TAFA4: variants seen among roughly 807,000 people sequenced by gnomAD.
TAFA4 encodes TAFA chemokine like family member 4.
Under a neutral mutation model 21.1 loss-of-function variants are expected in TAFA4, and 20 were observed. That is an observed-to-expected ratio of 0.95 (90% CI 0.67 to 1.38). TAFA4 has a LOEUF of 1.38. Ranked by LOEUF, TAFA4 falls within the 40% of genes most tolerant of loss-of-function variation. The pLI is 0.00. For synonymous variants in TAFA4, 71 were observed against 67.4 expected (o/e 1.05, Z -0.26); for missense variants, 211 against 180.9 (o/e 1.17, Z -0.95).
At position 68,736,633 on chromosome 3, in the gene TAFA4, C is replaced by G. The variant is rs115487007; in HGVS notation, c.411+2442G>C. Among the ~76,000 whole-genome samples the G allele has an allele frequency of 6.2e-3, 950 of 152,172 alleles. 9 individuals carry two copies. Among genetic ancestry groups the G allele is most frequent in the African/African-American group, 0.022 (919 of 41,528 alleles). On this transcript the variant is annotated intron_variant, in intron 5 of 5. Transcript: ENST00000295569. The stretch of plus-strand genomic sequence containing the variant: ...TTATACAGTTTAGTTAATACGTCCT[C>G]TAGGGAGACAATTGCTCTGCTTTTC...
At chr3:68,860,644 A>G (rs1196871753) in intron 3 of TAFA4, among the ~76,000 whole-genome samples, 1 of 152,142 alleles carries the variant, frequency 6.6e-6, no homozygotes, top group Non-Finnish European at 1.5e-5. Flanking sequence ...TCTTATATGT[A>G]TTGCTACTGG....
At chr3:68,892,621 C>G (rs985564367) in intron 1 of TAFA4, among the ~76,000 whole-genome samples, 4 of 152,184 alleles carry the variant, frequency 2.6e-5, no homozygotes, top group Admixed American at 6.5e-5. Context: ...AAAAAACGCT[C>G]TTCTAGTCAG....
intron 3 of TAFA4, among the ~76,000 whole-genome samples, chr3:68,793,899 T>A (rs1703410118): frequency 6.6e-6 from 1 of 152,162 alleles, no homozygotes. Context: ...AATGGTGTAA[T>A]CAAAAAATGT....
intron 1 of TAFA4, among the ~76,000 whole-genome samples, chr3:68,913,056 C>T (rs111273863): frequency 3.9e-4 from 59 of 152,252 alleles, no homozygotes; most frequent in South Asian, 8.3e-4. Context: ...TAGGAAATGC[C>T]TGTCCTAGAG....
At chr3:68,848,189 G>C (rs1389582302) in intron 3 of TAFA4, among the ~76,000 whole-genome samples, 2 of 152,136 alleles carry the variant, frequency 1.3e-5, no homozygotes, top group African/African-American at 2.4e-5. Context: ...AACATTAACT[G>C]TCACACTATA....
At chr3:68,786,728 C>T (rs187368395) in intron 3 of TAFA4, among the ~76,000 whole-genome samples, 1 of 152,144 alleles carries the variant, frequency 6.6e-6, no homozygotes, top group Admixed American at 6.5e-5. Flanking sequence ...GATTTGTAAG[C>T]TTTATATGGG....
intron 3 of TAFA4, among the ~76,000 whole-genome samples, chr3:68,829,612 G>C (rs562156021): frequency 6.6e-6 from 1 of 152,128 alleles, no homozygotes; most frequent in Middle Eastern, 3.2e-3. Context: ...GCGGATTTTC[G>C]CATCGATGTT....
intron 3 of TAFA4, among the ~76,000 whole-genome samples, chr3:68,827,763 T>C (rs943144399): frequency 2.6e-5 from 4 of 152,194 alleles, no homozygotes; most frequent in African/African-American, 9.7e-5. Flanking sequence ...TTTAAGTTCT[T>C]TGTAGATTCT....
intron 3 of TAFA4, among the ~76,000 whole-genome samples, chr3:68,788,305 T>A (rs143233307): frequency 1.3e-5 from 2 of 152,200 alleles, no homozygotes; most frequent in African/African-American, 4.8e-5. Flanking sequence ...TCAGGACAGC[T>A]GCCCTCACTG....
chr3:68,925,628 TC>T (rs2090100542), intron 1 of TAFA4, among the ~76,000 whole-genome samples: 2 of 152,194 alleles, frequency 1.3e-5, no homozygotes, highest in South Asian at 4.1e-4. Flanking sequence ...ACAAAGAAAC[TC>T]AAAATCCCTT....
chr3:68,762,204 T>TA (rs11378334), intron 3 of TAFA4, among the ~76,000 whole-genome samples: 14,594 of 147,114 alleles, frequency 0.099, 847 homozygotes, highest in African/African-American at 0.16. Flanking sequence ...GGCCTTAATT[T>TA]AAAAAAAAAA....
At chr3:68,765,287 T>C (rs1193171720) in intron 3 of TAFA4, among the ~76,000 whole-genome samples, 3 of 152,200 alleles carry the variant, frequency 2.0e-5, no homozygotes, top group East Asian at 1.9e-4. Context: ...ATGTATAATG[T>C]AGAAATTGGT....
At chr3:68,832,912 G>A (rs1488789662) in intron 3 of TAFA4, among the ~76,000 whole-genome samples, 1 of 152,202 alleles carries the variant, frequency 6.6e-6, no homozygotes, top group Non-Finnish European at 1.5e-5. Context: ...CTCAGCAAGG[G>A]TGGACGCCCC....
At chr3:68,818,280 G>C (rs566221623) in intron 3 of TAFA4, among the ~76,000 whole-genome samples, 2 of 152,322 alleles carry the variant, frequency 1.3e-5, no homozygotes, top group African/African-American at 4.8e-5. Context: ...ACTTAAGAGA[G>C]TTAGGGGTTT....
intron 1 of TAFA4, among the ~76,000 whole-genome samples, chr3:68,901,848 C>T (rs938883369): frequency 3.3e-5 from 5 of 152,198 alleles, no homozygotes; most frequent in Non-Finnish European, 2.9e-5. Context: ...CTTGTCCTCA[C>T]TGTTTACATC....
intron 3 of TAFA4, among the ~76,000 whole-genome samples, chr3:68,834,531 T>C (rs1704477100): frequency 6.6e-6 from 1 of 152,164 alleles, no homozygotes; most frequent in Non-Finnish European, 1.5e-5. Context: ...CTACTTGATC[T>C]TTACCATCTT....
chr3:68,739,015 G>C (rs1702294884), intron 5 of TAFA4, 60 bp downstream of exon 5: 2 of 1,594,630 alleles, frequency 1.3e-6, no homozygotes, highest in Admixed American at 1.7e-5. Flanking sequence ...ATAAAATCAA[G>C]GGGAGAAAGC....
At chr3:68,784,906 C>T (rs1703222174) in intron 3 of TAFA4, among the ~76,000 whole-genome samples, 1 of 152,036 alleles carries the variant, frequency 6.6e-6, no homozygotes, top group African/African-American at 2.4e-5. Context: ...CTCCAAGTCC[C>T]CACCAGAGTA....
intron 3 of TAFA4, among the ~76,000 whole-genome samples, chr3:68,824,472 T>C (rs1704182774): frequency 6.6e-6 from 1 of 152,180 alleles, no homozygotes; most frequent in South Asian, 2.1e-4. Context: ...ATTCCACCTC[T>C]CCTGCCTCCT....
Sources: allele counts gnomAD v4.1 joint callset (sites outside exome capture counted in the v4.1 genomes callset), GRCh38; gene constraint gnomAD v4.1.1; transcripts MANE v1.5; gene names NCBI Gene and HGNC (gene_info 2026-07-23, HGNC 2026-07-21).